The following DGCR8 variants were observed in gnomAD, a reference collection of about 807,000 sequenced individuals.
DGCR8 encodes the protein DGCR8 microprocessor complex subunit.
A neutral mutation model predicts 78.5 loss-of-function variants in DGCR8; 14 were observed. The ratio of observed to expected loss-of-function variants is 0.18; its 90% confidence interval spans 0.12 to 0.28. The LOEUF (loss-of-function observed/expected upper bound fraction) is 0.28. DGCR8 is among the 10% of genes least tolerant of loss of function. The pLI is 1.00. For missense variants in DGCR8, 702 were observed against 1,022.5 expected, an observed-to-expected ratio of 0.69 and a Z score of 4.28; for synonymous variants, 399 against 402.4, an observed-to-expected ratio of 0.99 and a Z score of 0.10.
intron 9 of DGCR8, chr22:20,101,737 G>T: frequency 2.0e-6 from 2 of 985,364 alleles, no homozygotes; most frequent in Non-Finnish European, 2.4e-6. Context: ...GTCCTCCCTA[G>T]CGAGGCTCTC....
rs1447576857 is a variant in DGCR8 at position 20,111,816 on chromosome 22, G to A, written c.*1708G>A. 4 of 206,842 alleles carry A rather than the reference G, an allele frequency of 1.9e-5. No individual in the cohort carries two copies. The highest frequency in any genetic ancestry group is 3.9e-5 in the Non-Finnish European group (4 of 103,844). 12.8% of individuals were successfully genotyped at this position (206,842 alleles called of 1,614,324 possible). ...GTGCTGATGCCATCCAGGGCACTGG[G>A]CTGTGCCTGGAAGGCGAGCCTTGAT... On this transcript the variant is annotated 3_prime_UTR_variant, in exon 14 of 14. Coordinates refer to ENST00000351989, the MANE Select transcript of DGCR8 (RefSeq NM_022720.7).
Position 20,086,166 on chromosome 22 carries a change from A to G in DGCR8, c.203A>G (p.Asn68Ser). The change falls in exon 2 of 14, where the codon AAC becomes AGC. Residue 68 changes from asparagine (N) to serine (S), a missense_variant. Transcript: ENST00000351989. This position sits in a 1 kb window ranked among gnomAD's most constrained non-coding sequence, Gnocchi z 6.4. ...QSELPAEDPF[N>S]FYGASLLSKG... ...GAACTCCCTGCTGAGGACCCCTTCA[A>G]CTTCTACGGAGCTTCTCTTCTCTCC... 2.5e-6 allele frequency: 4 copies of G among 1,613,982 alleles called. No homozygotes were observed. The highest frequency in any genetic ancestry group is 3.4e-6 in the Non-Finnish European group (4 of 1,180,008).
Position 20,086,500 on chromosome 22 carries a change from T to C in DGCR8, c.537T>C (p.Ala179=), listed in dbSNP as rs751823713. The C allele has an allele frequency of 6.2e-7, 1 of 1,613,942 alleles. No individual in the cohort carries two copies. The highest frequency in any genetic ancestry group is 1.1e-5 in the South Asian group (1 of 91,074). Residue 179 remains alanine (A), a synonymous_variant, in exon 2 of 14, where the codon GCT becomes GCC. Coordinates refer to ENST00000351989, the MANE Select transcript of DGCR8 (RefSeq NM_022720.7). The surrounding 1 kb of genome is among the most constrained non-coding windows in gnomAD (Gnocchi z 6.4). The part of the protein sequence containing the change: ...GDGVGIGGES[A]DKKDEENELD... ...GGGTAGGCATAGGGGGTGAGAGTGC[T>C]GATAAGAAGGATGAGGAGAATGAGC...
Position 20,080,303 on chromosome 22 carries a change from A to G in DGCR8, c.-358A>G. 4 of 980,652 alleles carry G rather than the reference A, an allele frequency of 4.1e-6. No homozygotes were observed. Among genetic ancestry groups the G allele is most frequent in the Non-Finnish European group, 4.8e-6 (4 of 828,110 alleles). The allele number at this position is 980,652 out of a possible 1,614,324, so 60.7% of individuals were successfully genotyped here. A position where few individuals can be genotyped will look rare whatever the true frequency, so the allele number is the denominator to read the frequency against. ...CGGAGAGCCTGGACAGGCTTTCCAG[A>G]TGGCTGCGGCGGTCGGTCGGTGAGG... On this transcript the variant is annotated 5_prime_UTR_variant, in exon 1 of 14. The change abolishes an upstream ATG in the 5' untranslated region. Coordinates refer to ENST00000351989, the MANE Select transcript of DGCR8 (RefSeq NM_022720.7).
chr22:20,103,105 T>G (rs558546457), intron 9 of DGCR8, among the ~76,000 whole-genome samples: 30 of 150,974 alleles, frequency 2.0e-4, no homozygotes, highest in Admixed American at 6.6e-4. Flanking sequence ...GCCATTGCAC[T>G]CCAGCCTGGG....
Position 20,094,768 on chromosome 22 carries a change from G to T in DGCR8, c.1761G>T (p.Glu587Asp), listed in dbSNP as rs1445839961. ...ACTTTGTTAAACAGACCTCTGAAGA[G>T]AAGCCCAAAGACAGTGAAGAACTCG... Reference protein sequence around the residue: ...IPDFVKQTSEEKPKDSEELEY... With the variant: ...IPDFVKQTSEDKPKDSEELEY... Residue 587 changes from glutamate (E) to aspartate (D), a missense_variant, in exon 9 of 14, where the codon GAG becomes GAT. By Grantham distance (45) the Glu-to-Asp change is conservative. Transcript: ENST00000351989. 6.2e-7 allele frequency: 1 copy of T among 1,614,136 alleles called. No individual in the cohort carries two copies. Among genetic ancestry groups the T allele is most frequent in the African/African-American group, 1.3e-5 (1 of 75,032 alleles).
chr22:20,102,784 A>C (rs1443398297), intron 9 of DGCR8, among the ~76,000 whole-genome samples: 1 of 152,156 alleles, frequency 6.6e-6, no homozygotes, highest in Non-Finnish European at 1.5e-5. Flanking sequence ...TGTTTTGGCT[A>C]TTCTAGCTCC....
chr22:20,096,396 ATGT>A (rs1167587169), intron 9 of DGCR8: 9 of 979,014 alleles, frequency 9.2e-6, no homozygotes, highest in African/African-American at 3.5e-5. Context: ...GTTCAAATCC[ATGT>A]TGTTCAAGGG....
chr22:20,089,930 T>C lies in DGCR8; in HGVS notation c.1024-46T>C. ...GGTGAAAGGCATCAGAGTTTCAGAC[T>C]CTCGGGTTGTCCTTGTAATCCATAT... On this transcript the variant is annotated intron_variant, in intron 4 of 13. Coordinates refer to ENST00000351989, the MANE Select transcript of DGCR8 (RefSeq NM_022720.7). This position sits in a 1 kb window ranked among gnomAD's most constrained non-coding sequence, Gnocchi z 4.9. 6.3e-7 allele frequency: 1 copy of C among 1,588,392 alleles called. No homozygotes were observed. Among genetic ancestry groups the C allele is most frequent in the Non-Finnish European group, 8.6e-7 (1 of 1,165,214 alleles).
intron 9 of DGCR8, chr22:20,101,361 G>A (rs767971227): frequency 1.1e-6 from 1 of 869,710 alleles, no homozygotes; most frequent in Non-Finnish European, 1.4e-6. Flanking sequence ...CAGATTACGA[G>A]GTAAGGACAT....
intron 13 of DGCR8, among the ~76,000 whole-genome samples, chr22:20,109,382 A>G (rs1471529284): frequency 6.6e-6 from 1 of 152,114 alleles, no homozygotes; most frequent in Non-Finnish European, 1.5e-5. Context: ...ACCCCACTCA[A>G]AGAGGGGCCT....
Position 20,090,182 on chromosome 22 carries a change from A to G in DGCR8, c.1230A>G (p.Pro410=), listed in dbSNP as rs1302271615. The change falls in exon 5 of 14, where the codon CCA becomes CCG. Residue 410 remains proline (P), a synonymous_variant. Coordinates refer to ENST00000351989, the MANE Select transcript of DGCR8 (RefSeq NM_022720.7). ...ADPGPPDEKD[P]LGAEAAPGAL... Reference sequence around the variant, plus strand: ...CGGGGCCCCCGGACGAGAAAGACCCACTAGGGGCTGAGGCAGCCCCTGGGG... The same window carrying G: ...CGGGGCCCCCGGACGAGAAAGACCCGCTAGGGGCTGAGGCAGCCCCTGGGG... 2 of 1,614,226 alleles carry G rather than the reference A, an allele frequency of 1.2e-6. No individual in the cohort carries two copies. The highest frequency in any genetic ancestry group is 1.7e-6 in the Non-Finnish European group (2 of 1,180,040).
At position 20,094,748 on chromosome 22, in the gene DGCR8, G is replaced by A. The variant is rs1172487802; in HGVS notation, c.1741G>A (p.Val581Ile). ...ATLEILIPDF[V>I]KQTSEEKPKD... Reference sequence around the variant, plus strand: ...ACTGGAAATCCTCATCCCTGACTTTGTTAAACAGACCTCTGAAGAGAAGCC... The same window carrying A: ...ACTGGAAATCCTCATCCCTGACTTTATTAAACAGACCTCTGAAGAGAAGCC... Residue 581 changes from valine (V) to isoleucine (I), a missense_variant, in exon 9 of 14, where the codon GTT (valine) becomes ATT (isoleucine). Val to Ile is a conservative substitution (Grantham distance 29). Transcript: ENST00000351989. 6.2e-7 allele frequency: 1 copy of A among 1,614,158 alleles called. No homozygotes were observed. The highest frequency in any genetic ancestry group is 1.1e-5 in the South Asian group (1 of 91,084).
intron 13 of DGCR8, 32 bp downstream of exon 13, chr22:20,109,035 G>A: frequency 2.5e-6 from 3 of 1,189,192 alleles, no homozygotes; most frequent in Non-Finnish European, 3.8e-6. Flanking sequence ...GGGCTGCCGG[G>A]CCACGGCCAT....
intron 9 of DGCR8, 74 bp downstream of exon 9, chr22:20,094,869 G>A: frequency 7.3e-7 from 1 of 1,365,816 alleles, no homozygotes; most frequent in Non-Finnish European, 1.0e-6. Flanking sequence ...GTGTGAGCTG[G>A]GGGTGTCCGT....
intron 8 of DGCR8, among the ~76,000 whole-genome samples, chr22:20,093,235 C>T (rs1258290216): frequency 6.6e-6 from 1 of 152,018 alleles, no homozygotes; most frequent in Non-Finnish European, 1.5e-5. Context: ...GAAACCCTCT[C>T]TCTACTAAAA....
intron 9 of DGCR8, among the ~76,000 whole-genome samples, chr22:20,095,608 T>TC (rs2049619640): frequency 6.6e-6 from 1 of 152,218 alleles, no homozygotes; most frequent in African/African-American, 2.4e-5. Flanking sequence ...ACTACATCTG[T>TC]CCCCAACCTA....
chr22:20,093,965 C>CT (rs992824083), intron 8 of DGCR8, among the ~76,000 whole-genome samples: 34 of 152,182 alleles, frequency 2.2e-4, no homozygotes, highest in Non-Finnish European at 2.4e-4. Context: ...TAGATTCTGC[C>CT]TAAGAGACTT....
At chr22:20,104,599 C>T (rs1057062051) in intron 9 of DGCR8, among the ~76,000 whole-genome samples, 8 of 152,290 alleles carry the variant, frequency 5.3e-5, no homozygotes, top group East Asian at 1.9e-4. Flanking sequence ...CAGCACTGGA[C>T]GTTGCTAATT....
Sources: gnomAD v4.1 joint callset for allele counts (sites outside exome capture counted in the v4.1 genomes callset) on GRCh38, gnomAD v4.1.1 for gene constraint, Gnocchi (gnomAD v3.1) non-coding constraint, MANE v1.5 for transcripts, NCBI Gene and HGNC (gene_info 2026-07-23, HGNC 2026-07-21) for gene names.